MDGA2: variants seen among roughly 807,000 people sequenced by gnomAD.
MDGA2 encodes the protein MAM domain-containing glycosylphosphatidylinositol anchor protein 2.
Under a neutral mutation model 117.8 loss-of-function variants are expected in MDGA2, and 40 were observed. That is an observed-to-expected ratio of 0.34 (90% CI 0.26 to 0.44). MDGA2 has a LOEUF of 0.44. Ranked by LOEUF, MDGA2 falls within the 20% of genes least tolerant of loss-of-function variation. MDGA2 has a pLI of 1.00. For synonymous variants in MDGA2, 452 were observed against 439.0 expected (o/e 1.03, Z -0.37); for missense variants, 1,123 against 1,250.6 (o/e 0.90, Z 1.54).
intron 14 of MDGA2, 29 bp downstream of exon 14, chr14:46,873,404 G>T: frequency 6.5e-7 from 1 of 1,529,706 alleles, no homozygotes; most frequent in Non-Finnish European, 8.8e-7. Flanking sequence ...CATTAATTTT[G>T]TAAGAATCAG....
At chr14:47,569,519 G>A (rs1467249565) in intron 1 of MDGA2, among the ~76,000 whole-genome samples, 3 of 152,190 alleles carry the variant, frequency 2.0e-5, no homozygotes, top group Non-Finnish European at 4.4e-5. Flanking sequence ...CAAGTTCTCA[G>A]CCATCTTGCA....
Position 47,132,279 on chromosome 14 carries a change from C to T in MDGA2, c.793-433G>A, listed in dbSNP as rs1212740861. 3.3e-5 allele frequency among the ~76,000 whole-genome samples: 5 copies of T among 151,848 alleles called. No homozygotes were observed. In the East Asian group the frequency reaches 5.8e-4, roughly 18 times the overall value. On this transcript the variant is annotated intron_variant, in intron 4 of 16. Coordinates refer to ENST00000399232, the MANE Select transcript of MDGA2 (RefSeq NM_001113498.3). ...GACAAAAGAAAAGAATCTGAAGAAG[C>T]GCCAACAAATGAAACACGGTTGTTA...
chr14:46,852,693 C>T (rs1384692225), intron 15 of MDGA2, among the ~76,000 whole-genome samples: 1 of 151,766 alleles, frequency 6.6e-6, no homozygotes, highest in African/African-American at 2.4e-5. Flanking sequence ...ATGGAAAAAC[C>T]TCATAATACA....
intron 10 of MDGA2, among the ~76,000 whole-genome samples, chr14:46,892,969 C>T (rs960286534): frequency 2.0e-5 from 3 of 151,936 alleles, no homozygotes; most frequent in Non-Finnish European, 2.9e-5. Flanking sequence ...AGTTAAACAT[C>T]GAACTACCAT....
chr14:46,967,242 G>A (rs922175066), intron 8 of MDGA2, among the ~76,000 whole-genome samples: 21 of 152,074 alleles, frequency 1.4e-4, no homozygotes, highest in African/African-American at 2.9e-4. Flanking sequence ...CTTCGTATAA[G>A]TACAATCTTA....
At chr14:47,476,860 T>C (rs936298354) in intron 1 of MDGA2, among the ~76,000 whole-genome samples, 2 of 152,174 alleles carry the variant, frequency 1.3e-5, no homozygotes, top group Admixed American at 6.6e-5. Context: ...TGTTTTCATC[T>C]AATAATAACA....
At chr14:47,119,743 TTCC>T (rs1437177311) in intron 5 of MDGA2, among the ~76,000 whole-genome samples, 6 of 152,224 alleles carry the variant, frequency 3.9e-5, no homozygotes, top group African/African-American at 1.4e-4. Flanking sequence ...TTAGTCTCTT[TTCC>T]TCCTTTTTTC....
intron 8 of MDGA2, among the ~76,000 whole-genome samples, chr14:46,992,285 T>A (rs1887121085): frequency 1.3e-5 from 2 of 152,162 alleles, no homozygotes; most frequent in Admixed American, 1.3e-4. Flanking sequence ...TGTTAAAATG[T>A]CCACAGTAAA....
intron 1 of MDGA2, among the ~76,000 whole-genome samples, chr14:47,425,131 A>G (rs1566450124): frequency 6.6e-6 from 1 of 152,142 alleles, no homozygotes; most frequent in Non-Finnish European, 1.5e-5. Context: ...AGTCTCCATA[A>G]TCCCTGGTGT....
At chr14:47,585,105 TGGTTGAATATAATTTGCTAA>T (rs1317283078) in intron 1 of MDGA2, among the ~76,000 whole-genome samples, 2 of 151,958 alleles carry the variant, frequency 1.3e-5, no homozygotes, top group African/African-American at 4.8e-5. Flanking sequence ...TGTCTATTCC[TGGTTGAATATAATTTGCTAA>T]GGTTTACAGT....
intron 1 of MDGA2, among the ~76,000 whole-genome samples, chr14:47,397,609 C>G (rs1159394587): frequency 6.6e-6 from 1 of 152,076 alleles, no homozygotes; most frequent in African/African-American, 2.4e-5. Context: ...GTAGGCAAAT[C>G]TGGACATTTT....
At chr14:47,351,371 C>CATGA (rs1266714072) in intron 1 of MDGA2, among the ~76,000 whole-genome samples, 15 of 152,078 alleles carry the variant, frequency 9.9e-5, no homozygotes, top group African/African-American at 3.6e-4. Flanking sequence ...CATGAGCCAC[C>CATGA]GCACCTGGAC....
At chr14:47,099,710 A>T (rs969493167) in intron 5 of MDGA2, among the ~76,000 whole-genome samples, 1 of 152,002 alleles carries the variant, frequency 6.6e-6, no homozygotes, top group East Asian at 1.9e-4. Context: ...TGACTCTGCC[A>T]TTTAATACCT....
chr14:47,378,716 G>A (rs1891538007), intron 1 of MDGA2, among the ~76,000 whole-genome samples: 1 of 152,212 alleles, frequency 6.6e-6, no homozygotes, highest in Admixed American at 6.5e-5. Flanking sequence ...ATGGGACTAT[G>A]TGAAAAGACC....
chr14:47,478,361 A>C (rs1893885562), intron 1 of MDGA2, among the ~76,000 whole-genome samples: 1 of 152,114 alleles, frequency 6.6e-6, no homozygotes, highest in Non-Finnish European at 1.5e-5. Context: ...TTTATTAAAA[A>C]TTCAATTGTA....
chr14:47,069,193 C>T (rs1056964401), intron 6 of MDGA2, among the ~76,000 whole-genome samples: 4 of 152,318 alleles, frequency 2.6e-5, no homozygotes, highest in African/African-American at 4.8e-5. Context: ...ACTGATGCTA[C>T]TCTGGCAGTG....
intron 3 of MDGA2, chr14:47,200,950 A>C: frequency 6.0e-6 from 5 of 831,908 alleles, no homozygotes; most frequent in South Asian, 5.3e-5. Flanking sequence ...TCCGAACTTC[A>C]ACTTGTTTCT....
At chr14:47,367,442 C>A (rs1281743782) in intron 1 of MDGA2, among the ~76,000 whole-genome samples, 1 of 152,122 alleles carries the variant, frequency 6.6e-6, no homozygotes, top group African/African-American at 2.4e-5. Flanking sequence ...CAGGAAATAT[C>A]TTTAAAGTCA....
intron 1 of MDGA2, among the ~76,000 whole-genome samples, chr14:47,459,156 C>G (rs963414875): frequency 6.6e-6 from 1 of 151,860 alleles, no homozygotes; most frequent in Admixed American, 6.6e-5. Context: ...ATCAATTCCC[C>G]CTCCATTATT....
Sources: gnomAD v4.1 joint callset for allele counts (sites outside exome capture counted in the v4.1 genomes callset) on GRCh38, gnomAD v4.1.1 for gene constraint, MANE v1.5 for transcripts, NCBI Gene and HGNC (gene_info 2026-07-23, HGNC 2026-07-21) for gene names.